ATP8A2: variants seen among roughly 807,000 people sequenced by gnomAD.
ATP8A2 encodes the protein phospholipid-transporting ATPase IB.
A neutral mutation model predicts 165.6 loss-of-function variants in ATP8A2; 100 were observed. The ratio of observed to expected loss-of-function variants is 0.60; its 90% CI spans 0.51 to 0.71. The LOEUF is 0.71. Among genes scored for constraint, ATP8A2 ranks in the 30% least tolerant of loss-of-function variants. The probability of loss-of-function intolerance (pLI) is 0.00; values close to 1 mark genes in which losing one functional copy is unlikely to be tolerated. For missense variants in ATP8A2, 1,227 were observed against 1,479.5 expected, an observed-to-expected ratio of 0.83 and a Z score of 2.80; for synonymous variants, 543 against 548.8, an observed-to-expected ratio of 0.99 and a Z score of 0.15.
intron 13 of ATP8A2, among the ~76,000 whole-genome samples, chr13:25,557,316 C>T (rs956026639): frequency 5.9e-5 from 9 of 152,150 alleles, no homozygotes; most frequent in Admixed American, 1.3e-4. Context: ...ATACAGCACC[C>T]AGAGCAGGCC....
intron 35 of ATP8A2, among the ~76,000 whole-genome samples, chr13:26,009,703 C>T (rs1157027231): frequency 6.6e-6 from 1 of 152,148 alleles, no homozygotes; most frequent in African/African-American, 2.4e-5. Flanking sequence ...GGACCCCTCA[C>T]AGTGTGTGGA....
chr13:25,724,314 G>A (rs1227269401), intron 25 of ATP8A2, among the ~76,000 whole-genome samples: 2 of 152,326 alleles, frequency 1.3e-5, no homozygotes, highest in South Asian at 2.1e-4. Flanking sequence ...TTCAGCCTGG[G>A]GATGGATTCA....
chr13:25,871,775 G>A (rs1055696637), intron 33 of ATP8A2, among the ~76,000 whole-genome samples: 1 of 152,120 alleles, frequency 6.6e-6, no homozygotes, highest in African/African-American at 2.4e-5. Flanking sequence ...ATAAGTGTTG[G>A]CATTCCTTTG....
chr13:26,012,351 G>T (rs947027366), intron 35 of ATP8A2, among the ~76,000 whole-genome samples, 180 bp from the exon 36 acceptor site: 8 of 152,240 alleles, frequency 5.3e-5, no homozygotes, highest in Admixed American at 3.9e-4. Flanking sequence ...CCACAACAGG[G>T]AGCCAGCATT....
intron 36 of ATP8A2, among the ~76,000 whole-genome samples, chr13:26,017,530 G>A (rs1471128104): frequency 6.6e-6 from 1 of 152,244 alleles, no homozygotes; most frequent in East Asian, 1.9e-4. Flanking sequence ...GCCAGAGGGA[G>A]GCAGGAGGCT....
At chr13:25,937,067 G>A (rs1490089290) in intron 33 of ATP8A2, among the ~76,000 whole-genome samples, 4 of 152,054 alleles carry the variant, frequency 2.6e-5, no homozygotes, top group African/African-American at 9.7e-5. Context: ...CTTTTTCTGC[G>A]ATAAGCATAG....
At chr13:25,820,770 C>T (rs1262312084) in intron 27 of ATP8A2, among the ~76,000 whole-genome samples, 4 of 152,094 alleles carry the variant, frequency 2.6e-5, no homozygotes, top group South Asian at 2.1e-4. Context: ...AAGCTAAGTA[C>T]GTTTGTATAA....
chr13:25,635,762 T>C, intron 24 of ATP8A2, among the ~76,000 whole-genome samples: 1 of 152,160 alleles, frequency 6.6e-6, no homozygotes. Context: ...CTATCAGAAA[T>C]GGAACTGCTA....
chr13:25,710,584 G>A (rs2043139444), intron 25 of ATP8A2, among the ~76,000 whole-genome samples: 2 of 152,136 alleles, frequency 1.3e-5, no homozygotes, highest in South Asian at 4.1e-4. Context: ...CTGCTTGTCA[G>A]GCCAGCTCCC....
intron 33 of ATP8A2, among the ~76,000 whole-genome samples, chr13:25,937,848 CAAAAAAAA>C (rs57258286): frequency 2.4e-5 from 2 of 83,558 alleles, no homozygotes; most frequent in African/African-American, 9.4e-5. Flanking sequence ...GACTCCGTCT[CAAAAAAAA>C]AAAAAAAAAA....
chr13:25,971,733 TC>T (rs1955918048), intron 35 of ATP8A2, among the ~76,000 whole-genome samples: 1 of 152,070 alleles, frequency 6.6e-6, no homozygotes, highest in African/African-American at 2.4e-5. Context: ...TCACCGGGCC[TC>T]CAGGGAGGGG....
chr13:25,721,453 C>T (rs1213321473), intron 25 of ATP8A2, among the ~76,000 whole-genome samples: 1 of 152,136 alleles, frequency 6.6e-6, no homozygotes, highest in Non-Finnish European at 1.5e-5. Context: ...GAAGCATTTC[C>T]CCAATGTTTT....
chr13:25,746,822 C>T (rs1023521706), intron 25 of ATP8A2, among the ~76,000 whole-genome samples: 6 of 152,190 alleles, frequency 3.9e-5, no homozygotes, highest in African/African-American at 1.4e-4. Context: ...TTTTTATAAC[C>T]AGAGTCAAAA....
At chr13:25,686,792 G>A (rs886903800) in intron 24 of ATP8A2, among the ~76,000 whole-genome samples, 8 of 151,950 alleles carry the variant, frequency 5.3e-5, no homozygotes, top group African/African-American at 1.7e-4. Context: ...TCTTGACTGC[G>A]GCTCTGAATG....
chr13:25,672,398 T>C (rs1366006072), intron 24 of ATP8A2, among the ~76,000 whole-genome samples: 1 of 152,150 alleles, frequency 6.6e-6, no homozygotes, highest in African/African-American at 2.4e-5. Flanking sequence ...TCTCACAACA[T>C]CACTGCAGTG....
rs1950674123 is a variant in ATP8A2, at chr13:25,803,904, A to T, written c.2680-24214A>T. On this transcript the variant is annotated intron_variant, in intron 27 of 36. Coordinates refer to ENST00000381655, the MANE Select transcript of ATP8A2 (RefSeq NM_016529.6). Reference sequence around the variant, plus strand: ...GTACTCAATCTCTAGCTTTTCTAAAACGCCATCTCTGGCACATTTGCTTAA... The same window carrying T: ...GTACTCAATCTCTAGCTTTTCTAAATCGCCATCTCTGGCACATTTGCTTAA... 3.3e-5 allele frequency among the ~76,000 whole-genome samples: 5 copies of T among 152,202 alleles called. No homozygotes were observed. In the South Asian group the frequency reaches 1.0e-3, roughly 32 times the overall value.
intron 1 of ATP8A2, among the ~76,000 whole-genome samples, chr13:25,438,701 G>T (rs2138188842): frequency 6.6e-6 from 1 of 152,064 alleles, no homozygotes; most frequent in South Asian, 2.1e-4. Flanking sequence ...AGAAAGAAAA[G>T]AACATACAAT....
At chr13:25,603,385 G>A (rs953403048) in intron 24 of ATP8A2, among the ~76,000 whole-genome samples, 3 of 151,978 alleles carry the variant, frequency 2.0e-5, no homozygotes, top group Admixed American at 6.6e-5. Flanking sequence ...CAGCTACTTG[G>A]GAGGCTGAGG....
chr13:25,737,129 C>T (rs999669513), intron 25 of ATP8A2, among the ~76,000 whole-genome samples: 2 of 151,974 alleles, frequency 1.3e-5, no homozygotes, highest in Non-Finnish European at 2.9e-5. Flanking sequence ...AGTTCTAGGC[C>T]GTGTTTCCTG....
Sources: allele counts gnomAD v4.1 joint callset (sites outside exome capture counted in the v4.1 genomes callset), GRCh38; gene constraint gnomAD v4.1.1; transcripts MANE v1.5; gene names NCBI Gene and HGNC (gene_info 2026-07-23, HGNC 2026-07-21).